Variants in CFAP46 observed in about 807,000 individuals in gnomAD.
CFAP46 encodes cilia- and flagella-associated protein 46.
Under a neutral mutation model 325.7 loss-of-function variants are expected in CFAP46, and 245 were observed. That is an observed-to-expected ratio of 0.75 (90% confidence interval 0.68 to 0.84). The LOEUF (loss-of-function observed/expected upper bound fraction) is 0.84. Ranked by LOEUF, CFAP46 falls within the 40% of genes least tolerant of loss-of-function variation. The pLI, the probability that CFAP46 is intolerant of heterozygous loss-of-function variation, is 0.00. For missense variants in CFAP46, 3,346 were observed against 3,543.0 expected (o/e 0.94, Z 1.41); for synonymous variants, 1,523 against 1,495.9 (o/e 1.02, Z -0.42).
intron 7 of CFAP46, among the ~76,000 whole-genome samples, chr10:132,936,294 C>A (rs954531047): frequency 1.1e-5 from 1 of 93,920 alleles, no homozygotes; most frequent in Non-Finnish European, 2.1e-5. Context: ...TCACTCCCCT[C>A]GGCACCCAAA....
At chr10:132,826,981 G>C (rs564857858) in intron 50 of CFAP46, among the ~76,000 whole-genome samples, 2 of 152,300 alleles carry the variant, frequency 1.3e-5, no homozygotes, top group East Asian at 1.9e-4. Flanking sequence ...CCTCCTGCCT[G>C]ATTCTCCATT....
In CFAP46 at chr10:132,886,352, G is replaced by A. The variant is rs370360868; in HGVS notation, c.3305-393C>T. Among the ~76,000 whole-genome samples, 4 of 152,176 alleles carry A rather than the reference G, an allele frequency of 2.6e-5. No homozygotes were observed. The highest frequency in any genetic ancestry group is 4.8e-5 in the African/African-American group (2 of 41,446). The stretch of plus-strand genomic sequence containing the variant: ...CCCGCGGCCGAGGACACAGCGCCAC[G>A]TGCACGCTCGGGAGTCCTCATGCTT... On this transcript the variant is annotated intron_variant, in intron 25 of 57. Coordinates refer to ENST00000368586, the MANE Select transcript of CFAP46 (RefSeq NM_001200049.3). This position sits in a 1 kb window ranked among gnomAD's most constrained non-coding sequence, Gnocchi z 5.8.
At chr10:132,842,781 G>C (rs1848365583) in intron 44 of CFAP46, among the ~76,000 whole-genome samples, 1 of 152,214 alleles carries the variant, frequency 6.6e-6, no homozygotes, top group Non-Finnish European at 1.5e-5. Flanking sequence ...GGCCTCTGCA[G>C]AGTCCTGAGG....
intron 24 of CFAP46, among the ~76,000 whole-genome samples, chr10:132,896,240 C>G (rs1425003502): frequency 1.3e-5 from 2 of 149,798 alleles, no homozygotes; most frequent in Non-Finnish European, 2.9e-5. Flanking sequence ...AGTGAGAAGG[C>G]AGCCAGGCTG....
chr10:132,867,669 A>G (rs1848836649), intron 33 of CFAP46, among the ~76,000 whole-genome samples, 162 bp from the exon 34 acceptor site: 1 of 151,770 alleles, frequency 6.6e-6, no homozygotes, highest in African/African-American at 2.4e-5. Context: ...GGCACATCCG[A>G]CTCCCAAATT....
At chr10:132,933,298 C>T (rs1401958718) in intron 8 of CFAP46, among the ~76,000 whole-genome samples, 2 of 152,240 alleles carry the variant, frequency 1.3e-5, no homozygotes, top group Non-Finnish European at 2.9e-5. Flanking sequence ...TGAGCTCCAG[C>T]GCACAGGCCT....
chr10:132,825,004 T>C (rs1345852928), intron 50 of CFAP46, among the ~76,000 whole-genome samples: 1 of 140,024 alleles, frequency 7.1e-6, no homozygotes, highest in Non-Finnish European at 1.5e-5. Flanking sequence ...TGTGCTGATG[T>C]GTGCTGATGT....
At position 132,847,570 on chromosome 10, in the gene CFAP46, G is replaced by T. The variant is rs1219965050; in HGVS notation, c.5953-249C>A. On this transcript the variant is annotated intron_variant, in intron 41 of 57. Transcript: ENST00000368586. This position sits in a 1 kb window ranked among gnomAD's most constrained non-coding sequence, Gnocchi z 5.2. ...TGGGCGAGGGGATGCTGCAGCCAGG[G>T]TGAGGACGCAGACCCCTGAGGAAGC... Among the ~76,000 whole-genome samples, 2 of 152,046 alleles carry T rather than the reference G, an allele frequency of 1.3e-5. No homozygotes were observed. The highest frequency in any genetic ancestry group is 4.1e-4 in the South Asian group (2 of 4,826).
At chr10:132,826,664 G>C (rs867011671) in intron 50 of CFAP46, among the ~76,000 whole-genome samples, 163 of 43,614 alleles carry the variant, frequency 3.7e-3, no homozygotes, top group East Asian at 6.3e-3. Flanking sequence ...CGGAGCCAGG[G>C]AGGAGCCGGA....
At chr10:132,853,311 T>A (rs918828613) in intron 39 of CFAP46, among the ~76,000 whole-genome samples, 6 of 152,362 alleles carry the variant, frequency 3.9e-5, no homozygotes, top group African/African-American at 1.4e-4. Flanking sequence ...GATGATCATA[T>A]GGTTTTTGTT....
At chr10:132,867,772 A>C (rs912601066) in intron 33 of CFAP46, among the ~76,000 whole-genome samples, 2 of 152,100 alleles carry the variant, frequency 1.3e-5, no homozygotes, top group Non-Finnish European at 2.9e-5. Context: ...CTCCGACTCC[A>C]TCTCTCCGGC....
intron 35 of CFAP46, among the ~76,000 whole-genome samples, chr10:132,865,273 C>G (rs1848796637): frequency 6.6e-6 from 1 of 152,232 alleles, no homozygotes; most frequent in South Asian, 2.1e-4. Flanking sequence ...CTCCATCCAT[C>G]TGGCTTTTTC....
chr10:132,837,504 GACGCA>G lies in CFAP46; in HGVS notation c.6439-595_6439-591del, dbSNP rs1848273446. Reference sequence around the variant, plus strand: ...ATGCACACGTACACAGATGCACACAGACGCACACAGACATGCACAGACACACGCAC... The same window carrying G: ...ATGCACACGTACACAGATGCACACAGCACAGACATGCACAGACACACGCAC... On this transcript the variant is annotated intron_variant, in intron 44 of 57. Coordinates refer to ENST00000368586, the MANE Select transcript of CFAP46 (RefSeq NM_001200049.3). Among the ~76,000 whole-genome samples the G allele has an allele frequency of 6.6e-4, 22 of 33,354 alleles. No homozygotes were observed. In the South Asian group the frequency reaches 0.022, roughly 33 times the overall value. The allele number at this position is 33,354 out of a possible 152,430, so 21.9% of individuals were successfully genotyped here. A position where few individuals can be genotyped will look rare whatever the true frequency, so the allele number is the denominator to read the frequency against.
In CFAP46 at chr10:132,881,052, G is replaced by A; in HGVS notation, c.3628-20C>T. 1 of 1,549,206 alleles carries A rather than the reference G, an allele frequency of 6.5e-7. No homozygotes were observed. Among genetic ancestry groups the A allele is most frequent in the Non-Finnish European group, 8.7e-7 (1 of 1,146,004 alleles). On this transcript the variant is annotated intron_variant, in intron 27 of 57. Transcript: ENST00000368586. ...AGGCTTCTGTGGGATTGAACAGGAAGGGTGACATCCTCAGGATGGCCCTGA... is the reference window on the plus strand; with the variant it reads ...AGGCTTCTGTGGGATTGAACAGGAAAGGTGACATCCTCAGGATGGCCCTGA...
Position 132,847,214 on chromosome 10 carries a change from C to T in CFAP46, c.6060G>A (p.Glu2020=). ...DPPASRAAPE[E]HCRRGEDLKR... is the part of the protein sequence containing the mutation. ...TCAGGTCCTCGCCTCTCCTGCAGTG[C>T]TCCTCCGGGGCTGCCCTGGAGGCCG... Residue 2020 remains glutamate, a synonymous_variant, in exon 42 of 58, where the codon GAG becomes GAA. Transcript: ENST00000368586. This position sits in a 1 kb window ranked among gnomAD's most constrained non-coding sequence, Gnocchi z 5.2. 6.2e-7 allele frequency: 1 copy of T among 1,612,952 alleles called. No homozygotes were observed. Among genetic ancestry groups the T allele is most frequent in the East Asian group, 2.2e-5 (1 of 44,832 alleles).
Position 132,885,215 on chromosome 10 carries a change from A to T in CFAP46, c.3515T>A (p.Phe1172Tyr), listed in dbSNP as rs1047845964. 2 of 1,550,242 alleles carry T rather than the reference A, an allele frequency of 1.3e-6. No homozygotes were observed. The highest frequency in any genetic ancestry group is 2.7e-5 in the African/African-American group (2 of 72,996). Reference protein sequence around the residue: ...GQNFSMEIQKFKAESEDYLAR... With the variant: ...GQNFSMEIQKYKAESEDYLAR... Reference sequence around the variant, plus strand: ...CAAGTAGTCCTCACTCTCGGCCTTGAATTTCTGTATTTCCATCGAAAAATT... The same window carrying T: ...CAAGTAGTCCTCACTCTCGGCCTTGTATTTCTGTATTTCCATCGAAAAATT... The change falls in exon 27 of 58, where the codon TTC becomes TAC. Residue 1172 changes from phenylalanine (F) to tyrosine (Y), a missense_variant. Transcript: ENST00000368586.
chr10:132,912,857 C>T (rs556735705), intron 18 of CFAP46, 37 bp from the exon 19 acceptor site: 214 of 1,542,774 alleles, frequency 1.4e-4, no homozygotes, highest in African/African-American at 5.3e-4. Context: ...CCTTGGCCCC[C>T]GCAGGCCTCG....
At chr10:132,933,175 G>A (rs548228375) in intron 8 of CFAP46, among the ~76,000 whole-genome samples, 26 of 152,308 alleles carry the variant, frequency 1.7e-4, no homozygotes, top group East Asian at 3.9e-4. Flanking sequence ...GGTGGGGTGC[G>A]GACGCTTCTC....
Position 132,847,020 on chromosome 10 carries a change from T to A in CFAP46, c.6179A>T (p.Asp2060Val). Residue 2060 changes from aspartate to valine, a missense_variant, in exon 43 of 58, where the codon GAT becomes GTT. Coordinates refer to ENST00000368586, the MANE Select transcript of CFAP46 (RefSeq NM_001200049.3). This position sits in a 1 kb window ranked among gnomAD's most constrained non-coding sequence, Gnocchi z 5.2. The part of the protein sequence containing the change: ...LQVALGSGLL[D>V]VAAAASLEMV... ...CTCCAGGCTGGCGGCTGCTGCGACA[T>A]CCAGGAGGCCACTGCCAAGGGCCAC... The A allele has an allele frequency of 6.2e-7, 1 of 1,611,330 alleles. No individual in the cohort carries two copies. The highest frequency in any genetic ancestry group is 8.5e-7 in the Non-Finnish European group (1 of 1,179,708).
Sources: gnomAD v4.1 joint callset for allele counts (sites outside exome capture counted in the v4.1 genomes callset) on GRCh38, gnomAD v4.1.1 for gene constraint, Gnocchi (gnomAD v3.1) non-coding constraint, MANE v1.5 for transcripts, NCBI Gene and HGNC (gene_info 2026-07-23, HGNC 2026-07-21) for gene names.